CHRNB4: variants seen among roughly 807,000 people sequenced by gnomAD.
The protein encoded by CHRNB4 is neuronal acetylcholine receptor subunit beta-4.
A neutral mutation model predicts 40.4 loss-of-function variants in CHRNB4; 23 were observed. That is an observed-to-expected ratio of 0.57 (90% CI 0.41 to 0.81). The LOEUF (loss-of-function observed/expected upper bound fraction) is 0.81, where lower values mean the gene tolerates loss of function less well. Among genes scored for constraint, CHRNB4 ranks in the 30% least tolerant of loss-of-function variants. CHRNB4 has a pLI of 0.00. For missense variants in CHRNB4, 568 were observed against 670.6 expected (o/e 0.85, Z 1.69); for synonymous variants, 285 against 274.4 (o/e 1.04, Z -0.38).
intron 3 of CHRNB4, 27 bp from the exon 4 acceptor site, chr15:78,631,212 C>G: frequency 6.2e-7 from 1 of 1,612,918 alleles, no homozygotes; most frequent in Non-Finnish European, 8.5e-7. Context: ...GGCCCTGTCA[C>G]TTGCAGGTCC....
At chr15:78,642,833 T>G (rs1023337302), upstream of CHRNB4, among the ~76,000 whole-genome samples, 6 of 152,178 alleles carry the variant, frequency 3.9e-5, no homozygotes, top group Non-Finnish European at 7.4e-5. Context: ...TATAGAACAA[T>G]CTGAATTATG....
At chr15:78,638,167 C>T (rs1395617276) in intron 1 of CHRNB4, among the ~76,000 whole-genome samples, 2 of 152,162 alleles carry the variant, frequency 1.3e-5, no homozygotes, top group African/African-American at 2.4e-5. Flanking sequence ...GCTGGTCTGA[C>T]AGGGCTCCCA....
Position 78,629,792 on chromosome 15 carries a change from G to A in CHRNB4, c.513C>T (p.Phe171=), listed in dbSNP as rs773737500. ...PFDQQNCTLK[F]RSWTYDHTEI... ...CCGTGTGGTCATAGGTCCAGGAGCG[G>A]AACTTGAGGGTGCAGTTCTGCTGGT... Residue 171 remains phenylalanine, a synonymous_variant, in exon 5 of 6, where the codon TTC becomes TTT. Transcript: ENST00000261751. This position sits in a 1 kb window ranked among gnomAD's most constrained non-coding sequence, Gnocchi z 6.8. 1.2e-6 allele frequency: 2 copies of A among 1,614,134 alleles called. No individual in the cohort carries two copies. Among genetic ancestry groups the A allele is most frequent in the Non-Finnish European group, 1.7e-6 (2 of 1,180,038 alleles).
intron 5 of CHRNB4, among the ~76,000 whole-genome samples, chr15:78,655,096 T>C (rs2141411230): frequency 6.6e-6 from 1 of 152,348 alleles, no homozygotes; most frequent in Non-Finnish European, 1.5e-5. Flanking sequence ...AGTTTTCTCA[T>C]GCCCCTTTGT....
rs568663203 is a variant in CHRNB4 at position 78,624,996 on chromosome 15, G to T, written c.*137C>A. 6 of 1,589,320 alleles carry T rather than the reference G, an allele frequency of 3.8e-6. No homozygotes were observed. Among genetic ancestry groups the T allele is most frequent in the Non-Finnish European group, 5.1e-6 (6 of 1,175,696 alleles). On this transcript the variant is annotated 3_prime_UTR_variant, in exon 6 of 6. Coordinates refer to ENST00000261751, the MANE Select transcript of CHRNB4 (RefSeq NM_000750.5). ...AGGCCCCCATCCTTGCCTGTTCCAC[G>T]GCTGTGGCTGGTTTGATGGGGTTGA...
At position 78,629,235 on chromosome 15, in the gene CHRNB4, G is replaced by A; in HGVS notation, c.1070C>T (p.Ala357Val). Residue 357 changes from alanine to valine, a missense_variant, in exon 5 of 6, where the codon GCC becomes GTC. Coordinates refer to ENST00000261751, the MANE Select transcript of CHRNB4 (RefSeq NM_000750.5). This position sits in a 1 kb window ranked among gnomAD's most constrained non-coding sequence, Gnocchi z 6.8. The stretch of plus-strand genomic sequence containing the variant: ...TGACTTGCTGGGCGGGAAGGCTCTG[G>A]CCGGGCTGCTGTCGGGGCCAGGGCG... ...MKRPGPDSSP[A>V]RAFPPSKSCV... 1 of 1,613,560 alleles carries A rather than the reference G, an allele frequency of 6.2e-7. No homozygotes were observed.
At chr15:78,653,629 A>G (rs899178182) in intron 5 of CHRNB4, among the ~76,000 whole-genome samples, 3 of 135,620 alleles carry the variant, frequency 2.2e-5, no homozygotes, top group African/African-American at 7.4e-5. Flanking sequence ...TCCAGTGGCT[A>G]GCATCTTCAG....
rs1018249806 is a variant in CHRNB4, at chr15:78,639,520, G to A, written c.55+1559C>T. On this transcript the variant is annotated intron_variant, in intron 1 of 5. Coordinates refer to ENST00000261751, the MANE Select transcript of CHRNB4 (RefSeq NM_000750.5). ...TCACCACATCAGCCAGGATGGTCTC[G>A]ATCTCCTGACCTCGTGATCCGCCCG... Among the ~76,000 whole-genome samples, 5 of 152,026 alleles carry A rather than the reference G, an allele frequency of 3.3e-5. No individual in the cohort carries two copies. The East Asian group carries it at 7.7e-4, about 23-fold the overall frequency.
chr15:78,651,600 C>A (rs981371099), intron 6 of CHRNB4, among the ~76,000 whole-genome samples: 1 of 152,178 alleles, frequency 6.6e-6, no homozygotes, highest in Non-Finnish European at 1.5e-5. Flanking sequence ...CTCTCCAGCT[C>A]CCTCCCCACA....
At chr15:78,641,246 G>C (rs996896416), upstream of CHRNB4, 42 of 1,009,670 alleles carry the variant, frequency 4.2e-5, no homozygotes, top group Admixed American at 9.1e-4. Flanking sequence ...TTGCTGGCGG[G>C]GCGGCGCTCA....
At chr15:78,657,235 A>C (rs573002674) in intron 3 of CHRNB4, 17 of 152,180 alleles carry the variant, frequency 1.1e-4, no homozygotes, top group African/African-American at 3.6e-4. Context: ...GGCTGGTCTC[A>C]AAGTCCTGAC....
chr15:78,647,421 A>G (rs900884341), intron 7 of CHRNB4, among the ~76,000 whole-genome samples: 20 of 151,870 alleles, frequency 1.3e-4, no homozygotes, highest in African/African-American at 4.8e-4. Flanking sequence ...AATTCATAGA[A>G]AAGAAAACTT....
chr15:78,635,723 T>C, intron 1 of CHRNB4, 136 bp from the exon 2 acceptor site: 1 of 1,125,826 alleles, frequency 8.9e-7, no homozygotes, highest in Non-Finnish European at 1.3e-6. Flanking sequence ...CTGGCAGGCC[T>C]GTCTCTCCTT....
At chr15:78,647,861 C>CAAAAAAAAAAA (rs146991423) in intron 7 of CHRNB4, among the ~76,000 whole-genome samples, 10 of 39,124 alleles carry the variant, frequency 2.6e-4, no homozygotes, top group African/African-American at 8.2e-4. Flanking sequence ...GACTCCATCT[C>CAAAAAAAAAAA]AAAAAAAAAA....
intron 5 of CHRNB4, among the ~76,000 whole-genome samples, 178 bp downstream of exon 5, chr15:78,628,789 C>A (rs2141365650): frequency 6.6e-6 from 1 of 152,328 alleles, no homozygotes; most frequent in African/African-American, 2.4e-5. Flanking sequence ...CACGTCCTTC[C>A]TCTCCCCGGA....
In CHRNB4 at chr15:78,625,043, C is replaced by CT. The variant is rs1364018175; in HGVS notation, c.*89dup. ...TTGATGGCCAATGCTCACATATTTACTTAGGGCCTCATCAGCCACAACCCA... is the reference window on the plus strand; with the variant it reads ...TTGATGGCCAATGCTCACATATTTACTTTAGGGCCTCATCAGCCACAACCCA... On this transcript the variant is annotated 3_prime_UTR_variant, in exon 6 of 6. Coordinates refer to ENST00000261751, the MANE Select transcript of CHRNB4 (RefSeq NM_000750.5). The CT allele has an allele frequency of 8.7e-6, 14 of 1,606,296 alleles. No homozygotes were observed. The highest frequency in any genetic ancestry group is 1.2e-5 in the Non-Finnish European group (14 of 1,179,834).
At chr15:78,643,507 C>T (rs1239686447), upstream of CHRNB4, among the ~76,000 whole-genome samples, 1 of 152,170 alleles carries the variant, frequency 6.6e-6, no homozygotes, top group Non-Finnish European at 1.5e-5. Context: ...AGGGTGCTTT[C>T]TATCACTGTT....
rs897212635 is a variant in CHRNB4 at position 78,638,434 on chromosome 15, C to T, written c.55+2645G>A. ...AAGAAACTTTCTCAAGTGCCCCCAGCAAGTCAGAGGAGGAACCAGGTATAG... is the reference window on the plus strand; with the variant it reads ...AAGAAACTTTCTCAAGTGCCCCCAGTAAGTCAGAGGAGGAACCAGGTATAG... On this transcript the variant is annotated intron_variant, in intron 1 of 5. Transcript: ENST00000261751. Among the ~76,000 whole-genome samples the T allele has an allele frequency of 2.4e-4, 36 of 152,354 alleles. 1 individual carries two copies. Among genetic ancestry groups the T allele is most frequent in the African/African-American group, 8.2e-4 (34 of 41,584 alleles).
chr15:78,646,797 G>A (rs1003964688), intron 7 of CHRNB4, among the ~76,000 whole-genome samples: 1 of 152,112 alleles, frequency 6.6e-6, no homozygotes, highest in East Asian at 1.9e-4. Context: ...AAATTTAGAG[G>A]GGACACAAAT....
Sources: gnomAD v4.1 joint callset for allele counts (sites outside exome capture counted in the v4.1 genomes callset) on GRCh38, gnomAD v4.1.1 for gene constraint, Gnocchi (gnomAD v3.1) non-coding constraint, MANE v1.5 for transcripts, NCBI Gene and HGNC (gene_info 2026-07-23, HGNC 2026-07-21) for gene names.